MAEL: variants seen among roughly 807,000 people sequenced by gnomAD.
MAEL encodes the protein protein maelstrom homolog.
A neutral mutation model predicts 62.0 loss-of-function variants in MAEL; 46 were observed. The observed-to-expected ratio is 0.74, with a 90% CI of 0.59 to 0.95. The LOEUF (loss-of-function observed/expected upper bound fraction) is 0.95, where lower values mean the gene tolerates loss of function less well. Ranked by LOEUF, MAEL falls within the 40% of genes least tolerant of loss-of-function variation. The probability of loss-of-function intolerance (pLI) is 0.00; values close to 1 mark genes in which losing one functional copy is unlikely to be tolerated. For synonymous variants in MAEL, 172 were observed against 175.5 expected, an observed-to-expected ratio of 0.98 and a Z score of 0.16; for missense variants, 497 against 526.8, an observed-to-expected ratio of 0.94 and a Z score of 0.55.
intron 5 of MAEL, among the ~76,000 whole-genome samples, chr1:166,994,977 T>TG (rs1664356253): frequency 6.8e-6 from 1 of 146,726 alleles, no homozygotes; most frequent in African/African-American, 2.5e-5. Context: ...CCCAGTAATT[T>TG]TTTTTTTTTT....
chr1:166,978,552 G>C (rs1390220001), intron 1 of MAEL, among the ~76,000 whole-genome samples: 4 of 152,134 alleles, frequency 2.6e-5, no homozygotes, highest in African/African-American at 9.7e-5. Flanking sequence ...TACTGTGTTT[G>C]CTTAAACACA....
At chr1:167,013,509 T>C (rs1436587238) in intron 8 of MAEL, among the ~76,000 whole-genome samples, 1 of 152,212 alleles carries the variant, frequency 6.6e-6, no homozygotes, top group Non-Finnish European at 1.5e-5. Context: ...TAAATCTCTG[T>C]GAAGTATTTG....
chr1:166,996,803 C>T (rs770252133), intron 5 of MAEL, among the ~76,000 whole-genome samples: 5 of 152,244 alleles, frequency 3.3e-5, no homozygotes, highest in Middle Eastern at 3.4e-3. Flanking sequence ...TTTCAGGGTG[C>T]CCAATCTTTG....
Position 167,021,163 on chromosome 1 carries a change from A to G in MAEL, c.1117+3A>G. The G allele has an allele frequency of 6.2e-7, 1 of 1,606,626 alleles. No individual in the cohort carries two copies. Among genetic ancestry groups the G allele is most frequent in the Non-Finnish European group, 8.5e-7 (1 of 1,173,866 alleles). On this transcript the variant is annotated splice_donor_region_variant and intron_variant, in intron 11 of 11. Transcript: ENST00000367872. ...ACAAAGATCAAACACACCCATTGGTAAGCAACTTATATTTTACAAAAATGC... is the reference window on the plus strand; with the variant it reads ...ACAAAGATCAAACACACCCATTGGTGAGCAACTTATATTTTACAAAAATGC...
chr1:166,989,835 G>A lies in MAEL; in HGVS notation c.225+6G>A. The A allele has an allele frequency of 6.2e-7, 1 of 1,607,404 alleles. No homozygotes were observed. The highest frequency in any genetic ancestry group is 1.1e-5 in the South Asian group (1 of 89,984). ...CTGGGCCCTCAGAGAAGCAGGTAAA[G>A]TTAACGAGAGAAGAGCCGCCATCTG... On this transcript the variant is annotated splice_donor_region_variant and intron_variant, in intron 2 of 11. Coordinates refer to ENST00000367872, the MANE Select transcript of MAEL (RefSeq NM_032858.3).
At chr1:167,018,938 A>T (rs1282884138) in intron 10 of MAEL, among the ~76,000 whole-genome samples, 1 of 152,148 alleles carries the variant, frequency 6.6e-6, no homozygotes, top group African/African-American at 2.4e-5. Context: ...TGTTTACACA[A>T]TTCTGTACAT....
In MAEL at chr1:167,021,667, G is replaced by A; in HGVS notation, c.1118-1G>A. 1.9e-6 allele frequency: 3 copies of A among 1,591,696 alleles called. No individual in the cohort carries two copies. The highest frequency in any genetic ancestry group is 1.7e-6 in the Non-Finnish European group (2 of 1,170,812). ...CTTTTCTTGTATTTTCAATATCCTAGGTGACTACCCATCTAGGGCAAAAAT... is the reference window on the plus strand; with the variant it reads ...CTTTTCTTGTATTTTCAATATCCTAAGTGACTACCCATCTAGGGCAAAAAT... On this transcript the variant is annotated splice_acceptor_variant, in intron 11 of 11. Coordinates refer to ENST00000367872, the MANE Select transcript of MAEL (RefSeq NM_032858.3). LOFTEE classifies it high-confidence loss of function.
intron 10 of MAEL, among the ~76,000 whole-genome samples, chr1:167,020,457 C>T (rs537748416): frequency 6.6e-6 from 1 of 152,282 alleles, no homozygotes; most frequent in Non-Finnish European, 1.5e-5. Flanking sequence ...TTCAAGGGGC[C>T]TTTATTGTTG....
chr1:167,003,509 G>A (rs1165071484), intron 5 of MAEL, among the ~76,000 whole-genome samples: 1 of 152,174 alleles, frequency 6.6e-6, no homozygotes, highest in Non-Finnish European at 1.5e-5. Flanking sequence ...GTTTGCTTAA[G>A]ATACCTGGGG....
Position 167,006,601 on chromosome 1 carries a change from CTATATA to C in MAEL, c.845+1235_845+1240del, listed in dbSNP as rs200881169. ...CTATTGGAAAGTTACTGGTTTTTTACTATATATATATATATATATATATATATATAT... is the reference window on the plus strand; with the variant it reads ...CTATTGGAAAGTTACTGGTTTTTTACTATATATATATATATATATATATAT... On this transcript the variant is annotated intron_variant, in intron 8 of 11. Transcript: ENST00000367872. Among the ~76,000 whole-genome samples, 212 of 98,066 alleles carry C rather than the reference CTATATA, an allele frequency of 2.2e-3. 5 individuals are homozygous for C. Among genetic ancestry groups the C allele is most frequent in the African/African-American group, 6.2e-3 (180 of 28,828 alleles). 64.3% of individuals were successfully genotyped at this position (98,066 alleles called of 152,430 possible).
upstream of MAEL, chr1:166,989,197 TC>T (rs531300048): frequency 3.1e-3 from 3,054 of 996,882 alleles, 20 homozygotes; most frequent in Non-Finnish European, 2.7e-3. Flanking sequence ...GGCTGTTTGT[TC>T]CCCCGCGGGG....
intron 8 of MAEL, among the ~76,000 whole-genome samples, chr1:167,006,601 C>CCATATATATATATATATATATATATA (rs1295162731): frequency 1.0e-5 from 1 of 98,070 alleles, no homozygotes; most frequent in African/African-American, 3.5e-5. Context: ...TGGTTTTTTA[C>CCATATATATATATATATATATATATA]TATATATATA....
chr1:166,992,591 C>A, intron 3 of MAEL, 95 bp from the exon 4 acceptor site: 1 of 879,952 alleles, frequency 1.1e-6, no homozygotes, highest in Non-Finnish European at 1.6e-6. Flanking sequence ...GAAAATTGTT[C>A]TAAAACATTT....
intron 8 of MAEL, among the ~76,000 whole-genome samples, chr1:167,012,824 G>T (rs1665225984): frequency 1.3e-5 from 2 of 152,178 alleles, no homozygotes; most frequent in African/African-American, 2.4e-5. Context: ...GCTAGAAATT[G>T]TTAGACAATC....
upstream of MAEL, chr1:166,989,180 AGT>A: frequency 1.1e-6 from 1 of 879,254 alleles, no homozygotes; most frequent in Non-Finnish European, 1.7e-6. Context: ...GGAATCTTCC[AGT>A]CTCAGGCTGT....
At chr1:166,993,970 C>G in intron 4 of MAEL, 58 bp from the exon 5 acceptor site, 1 of 1,327,384 alleles carries the variant, frequency 7.5e-7, no homozygotes, top group Non-Finnish European at 1.1e-6. Context: ...TAGAGTATTA[C>G]TGTAGCACTA....
chr1:167,014,649 A>T (rs1665307913), intron 8 of MAEL, among the ~76,000 whole-genome samples: 1 of 152,248 alleles, frequency 6.6e-6, no homozygotes, highest in African/African-American at 2.4e-5. Flanking sequence ...TCTTCTGTGA[A>T]GATAGAATTT....
intron 1 of MAEL, among the ~76,000 whole-genome samples, chr1:166,976,568 G>A (rs1003876092): frequency 1.1e-4 from 16 of 152,246 alleles, no homozygotes; most frequent in African/African-American, 1.9e-4. Context: ...ATAAAGGAGG[G>A]GTAACATCTG....
intron 10 of MAEL, 27 bp from the exon 11 acceptor site, chr1:167,021,058 C>T (rs1665607986): frequency 3.3e-6 from 5 of 1,519,198 alleles, no homozygotes; most frequent in South Asian, 1.1e-5. Flanking sequence ...AACATTTTTC[C>T]CCCTGGTATT....
Sources: allele counts gnomAD v4.1 joint callset (sites outside exome capture counted in the v4.1 genomes callset), GRCh38; gene constraint gnomAD v4.1.1; transcripts MANE v1.5; gene names NCBI Gene and HGNC (gene_info 2026-07-23, HGNC 2026-07-21).